FMNL2: variants seen among roughly 807,000 people sequenced by gnomAD.
FMNL2 encodes formin like 2.
A neutral mutation model predicts 130.2 loss-of-function variants in FMNL2; 51 were observed. That is an observed-to-expected ratio of 0.39 (90% CI 0.31 to 0.49). The LOEUF (loss-of-function observed/expected upper bound fraction) is 0.49. Among genes scored for constraint, FMNL2 ranks in the 20% least tolerant of loss-of-function variants. The pLI is 0.85. For missense variants in FMNL2, 977 were observed against 1,316.2 expected (o/e 0.74, Z 3.99); for synonymous variants, 465 against 467.1 (o/e 1.00, Z 0.06).
rs1698871727 is a variant in FMNL2 at position 152,614,943 on chromosome 2, T to A, written c.1155T>A (p.Ala385=). Residue 385 remains alanine, a synonymous_variant, in exon 12 of 26, where the codon GCT becomes GCA. Coordinates refer to ENST00000288670, the MANE Select transcript of FMNL2 (RefSeq NM_052905.4). ...ATGTAGGAGCTCTACTGGAAGATGC[T>A]GAAACTAAGAATGCTGCCTTGGAGA... ...VFDVGALLED[A]ETKNAALERV... is the part of the protein sequence containing the mutation. The A allele has an allele frequency of 6.2e-7, 1 of 1,613,624 alleles. No individual in the cohort carries two copies. The highest frequency in any genetic ancestry group is 8.5e-7 in the Non-Finnish European group (1 of 1,179,820).
At chr2:152,460,637 T>C (rs953236277) in intron 1 of FMNL2, among the ~76,000 whole-genome samples, 2 of 152,222 alleles carry the variant, frequency 1.3e-5, no homozygotes, top group African/African-American at 4.8e-5. Context: ...TTTGTTTGTG[T>C]TTACAGTGCT....
At chr2:152,607,498 C>G in intron 10 of FMNL2, 85 bp downstream of exon 10, 1 of 895,532 alleles carries the variant, frequency 1.1e-6, no homozygotes, top group Admixed American at 2.2e-5. Flanking sequence ...CACACACACA[C>G]ACACACACAT....
chr2:152,420,242 C>A (rs1247934697), intron 1 of FMNL2, among the ~76,000 whole-genome samples: 1 of 152,178 alleles, frequency 6.6e-6, no homozygotes, highest in African/African-American at 2.4e-5. Flanking sequence ...CGAATTTGGT[C>A]ACCACAAATT....
At chr2:152,594,034 G>T (rs1054229052) in intron 9 of FMNL2, among the ~76,000 whole-genome samples, 1 of 152,124 alleles carries the variant, frequency 6.6e-6, no homozygotes, top group Non-Finnish European at 1.5e-5. Flanking sequence ...GTTAGAATGG[G>T]CTAGAAGGAT....
chr2:152,589,987 A>ATATATGTATATGTATGTATATG (rs1697322466), intron 9 of FMNL2, among the ~76,000 whole-genome samples: 11 of 55,236 alleles, frequency 2.0e-4, no homozygotes, highest in African/African-American at 8.2e-4. Flanking sequence ...ATATATATGT[A>ATATATGTATATGTATGTATATG]TATGTATATG....
At chr2:152,383,634 A>G (rs1175152088) in intron 1 of FMNL2, among the ~76,000 whole-genome samples, 2 of 152,142 alleles carry the variant, frequency 1.3e-5, no homozygotes, top group Non-Finnish European at 2.9e-5. Flanking sequence ...AATTATAATA[A>G]TATCTTACTG....
intron 6 of FMNL2, among the ~76,000 whole-genome samples, chr2:152,571,012 T>C (rs1277799680): frequency 2.0e-5 from 3 of 152,156 alleles, no homozygotes; most frequent in Non-Finnish European, 2.9e-5. Context: ...GCAGGAAGTT[T>C]TGTGGCATTT....
At chr2:152,356,650 G>A (rs1053027623) in intron 1 of FMNL2, among the ~76,000 whole-genome samples, 1 of 151,942 alleles carries the variant, frequency 6.6e-6, no homozygotes, top group African/African-American at 2.4e-5. Flanking sequence ...GTTGAACAAG[G>A]TGACTCTGCT....
At chr2:152,341,135 T>G (rs938108587) in intron 1 of FMNL2, among the ~76,000 whole-genome samples, 2 of 152,202 alleles carry the variant, frequency 1.3e-5, no homozygotes, top group Non-Finnish European at 2.9e-5. Flanking sequence ...TGCTGCTGAT[T>G]TGTATTCTCA....
chr2:152,438,276 C>CT (rs1687875458), intron 1 of FMNL2, among the ~76,000 whole-genome samples: 1 of 152,170 alleles, frequency 6.6e-6, no homozygotes, highest in Non-Finnish European at 1.5e-5. Context: ...TTTCTAGGGA[C>CT]AGTCATTCCA....
chr2:152,445,851 G>A (rs190225159), intron 1 of FMNL2, among the ~76,000 whole-genome samples: 1 of 152,122 alleles, frequency 6.6e-6, no homozygotes, highest in African/African-American at 2.4e-5. Flanking sequence ...TCAGGGTTCC[G>A]GGTCAGCTGG....
Position 152,536,529 on chromosome 2 carries a change from G to A in FMNL2, c.202-6210G>A, listed in dbSNP as rs578046995. ...GTGACATTATGTGAACAAAAACAAC[G>A]CCCTTTAAATTGTTACTATCTAAAA... On this transcript the variant is annotated intron_variant, in intron 2 of 25. Transcript: ENST00000288670. 1.1e-4 allele frequency among the ~76,000 whole-genome samples: 17 copies of A among 152,238 alleles called. No homozygotes were observed. The South Asian group carries it at 2.5e-3, about 22-fold the overall frequency.
intron 1 of FMNL2, among the ~76,000 whole-genome samples, chr2:152,370,020 AG>A (rs1330969158): frequency 6.6e-6 from 1 of 152,210 alleles, no homozygotes; most frequent in African/African-American, 2.4e-5. Context: ...AGGCACTAAA[AG>A]TACAGGGATT....
intron 1 of FMNL2, among the ~76,000 whole-genome samples, chr2:152,502,221 C>T (rs773092428): frequency 2.0e-5 from 3 of 152,190 alleles, no homozygotes; most frequent in Non-Finnish European, 4.4e-5. Flanking sequence ...CTTGGAGCAC[C>T]CACTAGGTAC....
intron 1 of FMNL2, among the ~76,000 whole-genome samples, chr2:152,359,986 G>C (rs1015581139): frequency 1.3e-5 from 2 of 152,220 alleles, no homozygotes; most frequent in Non-Finnish European, 2.9e-5. Flanking sequence ...GATAGTGAGA[G>C]TGGAGGGCCT....
chr2:152,404,882 C>A (rs1258675108), intron 1 of FMNL2, among the ~76,000 whole-genome samples: 3 of 152,168 alleles, frequency 2.0e-5, no homozygotes, highest in Non-Finnish European at 4.4e-5. Flanking sequence ...GTGTTGATGT[C>A]TATCTACAAG....
chr2:152,589,326 A>C (rs77072653), intron 9 of FMNL2, among the ~76,000 whole-genome samples: 1 of 102,286 alleles, frequency 9.8e-6, no homozygotes, highest in South Asian at 3.2e-4. Context: ...AACAAAAAAA[A>C]CAACAAAAAA....
chr2:152,354,363 T>C (rs1362090104), intron 1 of FMNL2, among the ~76,000 whole-genome samples: 2 of 150,674 alleles, frequency 1.3e-5, no homozygotes, highest in Non-Finnish European at 3.0e-5. Context: ...AACTTGTATA[T>C]AGATGGTTTT....
intron 9 of FMNL2, among the ~76,000 whole-genome samples, chr2:152,602,387 G>T (rs1480975148): frequency 6.6e-6 from 1 of 152,172 alleles, no homozygotes; most frequent in East Asian, 1.9e-4. Flanking sequence ...TTATTTGTCT[G>T]CTGGTTTACT....
Sources: allele counts gnomAD v4.1 joint callset (sites outside exome capture counted in the v4.1 genomes callset), GRCh38; gene constraint gnomAD v4.1.1; transcripts MANE v1.5; gene names NCBI Gene and HGNC (gene_info 2026-07-23, HGNC 2026-07-21).